CRHR1: variants seen among roughly 807,000 people sequenced by gnomAD.
CRHR1 encodes corticotropin releasing hormone receptor 1.
Under a neutral mutation model 56.0 loss-of-function variants are expected in CRHR1, and 28 were observed. That is an observed-to-expected ratio of 0.50 (90% CI 0.37 to 0.69). CRHR1 has a LOEUF of 0.69. CRHR1 is among the 30% of genes least tolerant of loss of function. CRHR1 has a pLI of 0.00. For missense variants in CRHR1, 376 were observed against 548.0 expected (o/e 0.69, Z 3.13); for synonymous variants, 195 against 216.5 (o/e 0.90, Z 0.87).
At chr17:45,834,096 T>C (rs1412715817) in intron 12 of CRHR1, 48 bp downstream of exon 12, 1 of 1,600,166 alleles carries the variant, frequency 6.2e-7, no homozygotes, top group Non-Finnish European at 8.6e-7. Context: ...GTGAGGCCTG[T>C]TGGGACTGGC....
intron 1 of CRHR1, among the ~76,000 whole-genome samples, chr17:45,794,343 G>A (rs879393499): frequency 4.6e-5 from 7 of 152,240 alleles, no homozygotes; most frequent in Non-Finnish European, 1.0e-4. Flanking sequence ...TTGGTAGGTT[G>A]GCAAACTTGA....
chr17:45,793,317 G>A (rs2061459354), intron 1 of CRHR1, among the ~76,000 whole-genome samples: 1 of 152,254 alleles, frequency 6.6e-6, no homozygotes, highest in Non-Finnish European at 1.5e-5. Flanking sequence ...GGTGGGAGAT[G>A]TTGCTAGAGG....
At chr17:45,819,502 C>A (rs1396691794) in intron 3 of CRHR1, among the ~76,000 whole-genome samples, 1 of 151,806 alleles carries the variant, frequency 6.6e-6, no homozygotes, top group African/African-American at 2.4e-5. Context: ...GCCCCTATCC[C>A]TGGAGGTATT....
intron 1 of CRHR1, among the ~76,000 whole-genome samples, chr17:45,790,806 G>A (rs924342715): frequency 6.6e-6 from 1 of 152,218 alleles, no homozygotes; most frequent in African/African-American, 2.4e-5. Flanking sequence ...TAGACTGACC[G>A]CTATACTTTA....
At chr17:45,813,443 G>A (rs542932088) in intron 2 of CRHR1, among the ~76,000 whole-genome samples, 3 of 152,054 alleles carry the variant, frequency 2.0e-5, no homozygotes, top group Admixed American at 6.5e-5. Context: ...CTTTCTTCCC[G>A]TCTCACACAG....
Position 45,784,388 on chromosome 17 carries a change from G to A in CRHR1, c.-157G>A. On this transcript the variant is annotated 5_prime_UTR_variant, in exon 1 of 13. Transcript: ENST00000314537. This position sits in a 1 kb window ranked among gnomAD's most constrained non-coding sequence, Gnocchi z 4.2. ...CCGGGCCGGGCCGGGCCGGGCCGCG[G>A]GGCCGGGAAGCGCCGAGCCGGGCAT... The A allele has an allele frequency of 2.1e-6, 1 of 479,132 alleles. No homozygotes were observed. The highest frequency in any genetic ancestry group is 3.2e-6 in the Non-Finnish European group (1 of 309,104). The allele number at this position is 479,132 out of a possible 1,614,324, so 29.7% of individuals were successfully genotyped here. A position where few individuals can be genotyped will look rare whatever the true frequency, so the allele number is the denominator to read the frequency against.
intron 1 of CRHR1, among the ~76,000 whole-genome samples, chr17:45,804,681 A>T (rs1170297299): frequency 6.6e-6 from 1 of 152,010 alleles, no homozygotes; most frequent in African/African-American, 2.4e-5. Flanking sequence ...GGAAGAGAGG[A>T]TGGACACCCC....
intron 1 of CRHR1, among the ~76,000 whole-genome samples, chr17:45,805,225 C>T (rs2061698048): frequency 6.6e-6 from 1 of 152,146 alleles, no homozygotes; most frequent in Non-Finnish European, 1.5e-5. Flanking sequence ...TTTTGCTCAT[C>T]ATGGATTTTT....
chr17:45,834,380 G>A (rs780997395), intron 12 of CRHR1, among the ~76,000 whole-genome samples: 8 of 152,246 alleles, frequency 5.3e-5, no homozygotes, highest in Non-Finnish European at 1.2e-4. Flanking sequence ...ATGGCAAAGG[G>A]CATATGGTGC....
chr17:45,829,787 G>A (rs762713021), intron 5 of CRHR1: 4 of 933,132 alleles, frequency 4.3e-6, no homozygotes, highest in Non-Finnish European at 6.6e-6. Flanking sequence ...GGAATGGCAG[G>A]GAGTAGAAGG....
At chr17:45,829,115 G>A in intron 4 of CRHR1, 100 bp from the exon 5 acceptor site, 1 of 885,674 alleles carries the variant, frequency 1.1e-6, no homozygotes, top group South Asian at 1.5e-5. Flanking sequence ...TGGCCCTTGA[G>A]ATCATGACCC....
At chr17:45,827,708 G>A (rs1427386634) in intron 4 of CRHR1, 1 of 152,276 alleles carries the variant, frequency 6.6e-6, no homozygotes, top group South Asian at 2.1e-4. Flanking sequence ...CAGAGCTTCT[G>A]TAGCAGCCTC....
At position 45,833,568 on chromosome 17, in the gene CRHR1, C is replaced by A. The variant is rs778678391; in HGVS notation, c.929+31C>A. On this transcript the variant is annotated intron_variant, in intron 10 of 12. Coordinates refer to ENST00000314537, the MANE Select transcript of CRHR1 (RefSeq NM_004382.5). ...CGGGTACCACCTTCCTCAGGCCTCCCCCTGATGAAACCCCTGCTCCCCATG... is the reference window on the plus strand; with the variant it reads ...CGGGTACCACCTTCCTCAGGCCTCCACCTGATGAAACCCCTGCTCCCCATG... 1.4e-5 allele frequency: 22 copies of A among 1,601,802 alleles called. No individual in the cohort carries two copies. The South Asian group carries it at 2.4e-4, about 18-fold the overall frequency.
rs767597712 is a variant in CRHR1, at chr17:45,830,140, G to T, written c.481G>T (p.Ala161Ser). The change falls in exon 6 of 13, where the codon GCC becomes TCC. Residue 161 changes from alanine to serine, a missense_variant. Around this residue, in one of 2 missense-constraint regions of CRHR1, gnomAD observed 369 missense variants for 519.5 expected, o/e 0.71. Transcript: ENST00000314537. ...CATCATCCACTGGAACCTCATCTCC[G>T]CCTTCATCCTGCGCAACGCCACCTG... Reference protein sequence around the residue: ...RNIIHWNLISAFILRNATWFV... With the variant: ...RNIIHWNLISSFILRNATWFV... 6.2e-7 allele frequency: 1 copy of T among 1,614,076 alleles called. No individual in the cohort carries two copies. Among genetic ancestry groups the T allele is most frequent in the Middle Eastern group, 1.6e-4 (1 of 6,062 alleles).
intron 7 of CRHR1, 61 bp downstream of exon 7, chr17:45,830,631 C>T: frequency 6.5e-7 from 1 of 1,548,568 alleles, no homozygotes; most frequent in Non-Finnish European, 8.7e-7. Context: ...GCCCTCTCCT[C>T]CAGACTCAGG....
At chr17:45,812,517 C>T (rs975407269) in intron 2 of CRHR1, among the ~76,000 whole-genome samples, 3 of 152,138 alleles carry the variant, frequency 2.0e-5, no homozygotes, top group Non-Finnish European at 2.9e-5. Context: ...AGAGGTCAGG[C>T]TTTTGTGGCA....
chr17:45,830,442 C>T lies in CRHR1; in HGVS notation c.581C>T (p.Ala194Val), dbSNP rs2062275941. Reference sequence around the variant, plus strand: ...GGCTGGTGCAGGTTGGTGACAGCCGCCTACAACTACTTCCATGTGACCAAC... The same window carrying T: ...GGCTGGTGCAGGTTGGTGACAGCCGTCTACAACTACTTCCATGTGACCAAC... Reference protein sequence around the residue: ...NVGWCRLVTAAYNYFHVTNFF... With the variant: ...NVGWCRLVTAVYNYFHVTNFF... The change falls in exon 7 of 13, where the codon GCC becomes GTC. Residue 194 changes from alanine to valine, a missense_variant. Transcript: ENST00000314537. 1 of 1,612,744 alleles carries T rather than the reference C, an allele frequency of 6.2e-7. No individual in the cohort carries two copies. Among genetic ancestry groups the T allele is most frequent in the Non-Finnish European group, 8.5e-7 (1 of 1,179,604 alleles).
At chr17:45,791,340 C>T (rs1340307098) in intron 1 of CRHR1, among the ~76,000 whole-genome samples, 2 of 152,156 alleles carry the variant, frequency 1.3e-5, no homozygotes, top group Non-Finnish European at 1.5e-5. Context: ...GTCCAGGCCC[C>T]CTGCACTGGG....
chr17:45,786,793 AC>A (rs2061344915), intron 1 of CRHR1, among the ~76,000 whole-genome samples: 1 of 152,042 alleles, frequency 6.6e-6, no homozygotes, highest in Admixed American at 6.5e-5. Context: ...GGCATGCACC[AC>A]CACACCCAGC....
Sources: allele counts gnomAD v4.1 joint callset (sites outside exome capture counted in the v4.1 genomes callset), GRCh38; gene constraint gnomAD v4.1.1; regional missense constraint gnomAD v4.1.1; non-coding constraint Gnocchi (gnomAD v3.1); transcripts MANE v1.5; gene names NCBI Gene and HGNC (gene_info 2026-07-23, HGNC 2026-07-21).